DYSF: variants seen among roughly 807,000 people sequenced by gnomAD.
The protein encoded by DYSF is dysferlin, also known as dystrophy-associated fer-1-like 1.
DYSF carries 212 observed loss-of-function variants against 274.9 expected under a neutral mutation model. The ratio of observed to expected loss-of-function variants is 0.77; its 90% confidence interval spans 0.69 to 0.86. DYSF has a LOEUF of 0.86. DYSF is among the 40% of genes least tolerant of loss of function. The pLI is 0.00. For missense variants in DYSF, 2,666 were observed against 2,783.2 expected (o/e 0.96, Z 0.95); for synonymous variants, 1,091 against 1,078.7 (o/e 1.01, Z -0.22).
At chr2:71,502,228 T>TA (rs2085052388) in intron 3 of DYSF, among the ~76,000 whole-genome samples, 1 of 151,982 alleles carries the variant, frequency 6.6e-6, no homozygotes. Context: ...GATAGGGTCA[T>TA]AAAAATCTAT....
At chr2:71,462,344 G>A (rs1407569301), upstream of DYSF, among the ~76,000 whole-genome samples, 1 of 152,212 alleles carries the variant, frequency 6.6e-6, no homozygotes, top group Non-Finnish European at 1.5e-5. Flanking sequence ...TGTGGCTACT[G>A]GGGAATGTGG....
intron 1 of DYSF, among the ~76,000 whole-genome samples, chr2:71,459,987 A>T (rs1017042115): frequency 6.6e-6 from 1 of 152,034 alleles, no homozygotes; most frequent in Non-Finnish European, 1.5e-5. Flanking sequence ...TCACCTTTAC[A>T]GTGGGGCTGG....
intron 1 of DYSF, among the ~76,000 whole-genome samples, chr2:71,459,018 C>G (rs189908942): frequency 2.7e-3 from 404 of 152,334 alleles, no homozygotes; most frequent in Non-Finnish European, 4.5e-3. Context: ...GTTCTACCCT[C>G]TTGCTGGATA....
intron 42 of DYSF, among the ~76,000 whole-genome samples, chr2:71,648,408 A>G (rs922773466): frequency 3.9e-5 from 6 of 152,238 alleles, no homozygotes; most frequent in African/African-American, 1.4e-4. Context: ...AGAAACTATA[A>G]AAGTAAGCAA....
At chr2:71,662,872 A>G (rs1271646066) in intron 45 of DYSF, among the ~76,000 whole-genome samples, 5 of 50,250 alleles carry the variant, frequency 1.0e-4, no homozygotes, top group South Asian at 1.5e-3. Context: ...GTGTCCATGT[A>G]TGTGTGTGTG....
chr2:71,601,362 C>A, intron 34 of DYSF, 137 bp from the exon 35 acceptor site: 1 of 1,149,630 alleles, frequency 8.7e-7, no homozygotes, highest in Non-Finnish European at 1.3e-6. Flanking sequence ...GCCAGCCTAG[C>A]ATCCCTTCTA....
In DYSF at chr2:71,656,268, C is replaced by T. The variant is rs561323168; in HGVS notation, c.4733C>T (p.Pro1578Leu). The change falls in exon 43 of 56, where the codon CCA (proline) becomes CTA (leucine). Residue 1578 changes from proline (P) to leucine (L), a missense_variant. Pro to Leu is a moderately conservative substitution (Grantham distance 98). Coordinates refer to ENST00000410020, the MANE Select transcript of DYSF (RefSeq NM_001130987.2). ...AAGACGCAGGAGGAGACAGAAGATC[C>T]ATCTGTGATTGGTGAATTTAAGGTA... Reference protein sequence around the residue: ...RGKTQEETEDPSVIGEFKGLF... With the variant: ...RGKTQEETEDLSVIGEFKGLF... 6.2e-7 allele frequency: 1 copy of T among 1,614,192 alleles called. No individual in the cohort carries two copies.
At chr2:71,495,687 C>T (rs1004091507) in intron 3 of DYSF, among the ~76,000 whole-genome samples, 6 of 152,158 alleles carry the variant, frequency 3.9e-5, no homozygotes, top group Non-Finnish European at 8.8e-5. Context: ...TAACATGGCT[C>T]TCAGCACCAG....
At chr2:71,635,558 G>A (rs966473145) in intron 41 of DYSF, among the ~76,000 whole-genome samples, 5 of 152,062 alleles carry the variant, frequency 3.3e-5, no homozygotes, top group Non-Finnish European at 7.4e-5. Flanking sequence ...AACCAGCCTG[G>A]CCAACATGGT....
rs763205852 is a variant in DYSF, at chr2:71,682,532, G to A, written c.6176G>A (p.Arg2059His). The change falls in exon 55 of 56, where the codon CGC becomes CAC. Residue 2059 changes from arginine (R) to histidine (H), a missense_variant and splice_region_variant. Transcript: ENST00000410020. ...NMNPKLEDPR[R>H]PDTSFLWFTS... ...GACCTCCGGGATCTCGCTTCCAGGC[G>A]CCCCGACACCTCCTTCCTGTGGTTT... is the stretch of plus-strand genomic sequence containing the variant. The A allele has an allele frequency of 1.1e-5, 18 of 1,613,972 alleles. No homozygotes were observed. The highest frequency in any genetic ancestry group is 6.6e-5 in the South Asian group (6 of 91,074).
At chr2:71,586,043 T>C (rs778806299) in intron 30 of DYSF, among the ~76,000 whole-genome samples, 2 of 151,862 alleles carry the variant, frequency 1.3e-5, no homozygotes, top group Non-Finnish European at 2.9e-5. Context: ...GTCTGTGGGT[T>C]TGGTAGTGTC....
chr2:71,670,842 G>A (rs1308854430), intron 51 of DYSF, among the ~76,000 whole-genome samples: 1 of 152,180 alleles, frequency 6.6e-6, no homozygotes, highest in African/African-American at 2.4e-5. Context: ...GGTCTCTGCT[G>A]TAGCTTCTGG....
intron 32 of DYSF, among the ~76,000 whole-genome samples, chr2:71,597,640 G>A (rs767541724): frequency 6.6e-6 from 1 of 152,134 alleles, no homozygotes; most frequent in Non-Finnish European, 1.5e-5. Flanking sequence ...GTCTGCTCTA[G>A]TGACACCAAC....
chr2:71,567,363 C>A (rs2092167436), intron 24 of DYSF, among the ~76,000 whole-genome samples: 1 of 152,178 alleles, frequency 6.6e-6, no homozygotes, highest in Non-Finnish European at 1.5e-5. Flanking sequence ...TCTTCTCTTT[C>A]CAGATCTGTA....
chr2:71,547,852 C>T (rs1421770493), intron 17 of DYSF, among the ~76,000 whole-genome samples: 1 of 152,120 alleles, frequency 6.6e-6, no homozygotes, highest in Non-Finnish European at 1.5e-5. Flanking sequence ...GGGAAGCCGA[C>T]TTTGCCTCTG....
rs150942486 is a variant in DYSF at position 71,598,684 on chromosome 2, C to G, written c.3695C>G (p.Pro1232Arg). ...IFYEIEIFGE[P>R]ATVAEQPPSI... The stretch of plus-strand genomic sequence containing the variant: ...TACGAGATCGAGATCTTTGGCGAGC[C>G]GGCCACAGTTGCTGAGCAACCGCCC... Residue 1232 changes from proline to arginine, a missense_variant, in exon 33 of 56, where the codon CCG becomes CGG. Coordinates refer to ENST00000410020, the MANE Select transcript of DYSF (RefSeq NM_001130987.2). The G allele has an allele frequency of 3.1e-6, 5 of 1,613,990 alleles. No homozygotes were observed. The highest frequency in any genetic ancestry group is 4.2e-6 in the Non-Finnish European group (5 of 1,180,032).
At chr2:71,539,299 T>C in intron 17 of DYSF, 60 bp downstream of exon 17, 2 of 1,431,206 alleles carry the variant, frequency 1.4e-6, no homozygotes, top group Non-Finnish European at 2.0e-6. Flanking sequence ...ACCCCCTCTA[T>C]CCAGCTTACA....
chr2:71,529,414 G>A (rs937948108), intron 14 of DYSF, among the ~76,000 whole-genome samples: 10 of 152,292 alleles, frequency 6.6e-5, no homozygotes, highest in African/African-American at 1.7e-4. Context: ...GTTTCCTTCT[G>A]TTGTTTAACT....
At chr2:71,626,571 A>T (rs2094211801) in intron 41 of DYSF, among the ~76,000 whole-genome samples, 1 of 151,810 alleles carries the variant, frequency 6.6e-6, no homozygotes, top group South Asian at 2.1e-4. Flanking sequence ...TTTCTGAAAC[A>T]ATCTAAGCTG....
Sources: allele counts gnomAD v4.1 joint callset (sites outside exome capture counted in the v4.1 genomes callset), GRCh38; gene constraint gnomAD v4.1.1; transcripts MANE v1.5; gene names NCBI Gene and HGNC (gene_info 2026-07-23, HGNC 2026-07-21).